ELP4: variants seen among roughly 807,000 people sequenced by gnomAD.
ELP4 encodes the protein elongator complex protein 4.
ELP4 carries 51 observed loss-of-function variants against 48.9 expected under a neutral mutation model. The ratio of observed to expected loss-of-function variants is 1.04; its 90% CI spans 0.83 to 1.32. The LOEUF (loss-of-function observed/expected upper bound fraction) is 1.32. ELP4 is among the 40% of genes most tolerant of loss of function. The pLI is 0.00. For synonymous variants in ELP4, 210 were observed against 189.2 expected (o/e 1.11, Z -0.90); for missense variants, 519 against 514.6 (o/e 1.01, Z -0.08).
intron 3 of ELP4, among the ~76,000 whole-genome samples, chr11:31,592,174 T>G (rs1957590995): frequency 6.6e-6 from 1 of 152,202 alleles, no homozygotes; most frequent in Admixed American, 6.5e-5. Context: ...GTTACACAAC[T>G]CTGAATTATT....
chr11:31,701,853 A>G (rs557634823), intron 9 of ELP4, among the ~76,000 whole-genome samples: 1 of 152,036 alleles, frequency 6.6e-6, no homozygotes, highest in African/African-American at 2.4e-5. Context: ...ATGGGTAAAC[A>G]AAAACATTTT....
Position 31,729,046 on chromosome 11 carries a change from G to T in ELP4, c.1144-54347G>T, listed in dbSNP as rs190176908. ...ATTAGCTAGAGGAGAAAATTCTAAG[G>T]TATTCCTGGCTCTCTTTCTCTTCCA... On this transcript the variant is annotated intron_variant, in intron 9 of 9. Transcript: ENST00000640961. 1.9e-3 allele frequency among the ~76,000 whole-genome samples: 296 copies of T among 152,200 alleles called. 1 individual carries two copies. Among genetic ancestry groups the T allele is most frequent in the African/African-American group, 6.8e-3 (281 of 41,522 alleles).
chr11:31,549,102 A>C (rs1396797165), intron 3 of ELP4, among the ~76,000 whole-genome samples: 2 of 152,030 alleles, frequency 1.3e-5, no homozygotes, highest in Non-Finnish European at 1.5e-5. Context: ...TAAAACACCA[A>C]AAGCAATGGC....
chr11:31,622,299 G>A (rs1467617874), intron 5 of ELP4, among the ~76,000 whole-genome samples: 1 of 151,640 alleles, frequency 6.6e-6, no homozygotes, highest in African/African-American at 2.4e-5. Flanking sequence ...GGTGGTGGCA[G>A]TGTTGTATAT....
chr11:31,633,380 G>A (rs1944906349), intron 7 of ELP4: 1 of 152,050 alleles, frequency 6.6e-6, no homozygotes, highest in Non-Finnish European at 1.5e-5. Context: ...CCTGAGGCAA[G>A]AAGTTCAGCC....
chr11:31,548,537 T>C (rs1295099168), intron 3 of ELP4, among the ~76,000 whole-genome samples: 3 of 152,080 alleles, frequency 2.0e-5, no homozygotes, highest in Non-Finnish European at 4.4e-5. Context: ...GAAGAATCAA[T>C]ATCGTGAAAA....
At chr11:31,695,796 C>CT (rs369026422) in intron 9 of ELP4, among the ~76,000 whole-genome samples, 95,807 of 105,392 alleles carry the variant, frequency 0.91, 44,724 homozygotes, top group Non-Finnish European at 1. Context: ...CCATCTGATC[C>CT]TGAGCTTTTT....
At chr11:31,536,662 T>C (rs941650662) in intron 2 of ELP4, among the ~76,000 whole-genome samples, 8 of 152,172 alleles carry the variant, frequency 5.3e-5, no homozygotes, top group African/African-American at 1.9e-4. Context: ...TGCCAAACTG[T>C]TTTCTAATGT....
At chr11:31,525,360 C>A (rs893856948) in intron 2 of ELP4, among the ~76,000 whole-genome samples, 2 of 152,158 alleles carry the variant, frequency 1.3e-5, no homozygotes, top group Admixed American at 6.5e-5. Context: ...TAAGCTCTTA[C>A]AATGTGTTCA....
At chr11:31,544,276 A>G (rs1015572283) in intron 3 of ELP4, among the ~76,000 whole-genome samples, 4 of 152,236 alleles carry the variant, frequency 2.6e-5, no homozygotes, top group African/African-American at 9.6e-5. Flanking sequence ...CGGCACCTGG[A>G]AAATCGGGTC....
chr11:31,565,495 T>C (rs1957095802), intron 3 of ELP4, among the ~76,000 whole-genome samples: 1 of 148,330 alleles, frequency 6.7e-6, no homozygotes, highest in Non-Finnish European at 1.5e-5. Context: ...TCTAGGGTTT[T>C]TATGGTTTTC....
chr11:31,584,011 A>G (rs1483020681), intron 3 of ELP4, among the ~76,000 whole-genome samples: 1 of 152,184 alleles, frequency 6.6e-6, no homozygotes, highest in East Asian at 1.9e-4. Flanking sequence ...CAATGGTTTC[A>G]TAAATAATGC....
At chr11:31,564,202 A>G (rs1957067521) in intron 3 of ELP4, among the ~76,000 whole-genome samples, 1 of 152,154 alleles carries the variant, frequency 6.6e-6, no homozygotes, top group Admixed American at 6.5e-5. Context: ...ATTTCTGGGT[A>G]TTAGATAACA....
intron 4 of ELP4, 41 bp downstream of exon 4, chr11:31,594,942 A>G: frequency 6.6e-7 from 1 of 1,517,656 alleles, no homozygotes; most frequent in Non-Finnish European, 8.8e-7. Context: ...TTGCAAATGC[A>G]TTTGTTTTCA....
At chr11:31,742,977 C>T (rs1252765018) in intron 9 of ELP4, among the ~76,000 whole-genome samples, 1 of 152,096 alleles carries the variant, frequency 6.6e-6, no homozygotes, top group East Asian at 1.9e-4. Flanking sequence ...AGAGTCAAGA[C>T]CCATCAGTGT....
chr11:31,661,496 G>A (rs910220170), intron 9 of ELP4, among the ~76,000 whole-genome samples: 4 of 152,000 alleles, frequency 2.6e-5, no homozygotes, highest in Non-Finnish European at 4.4e-5. Context: ...CAAACTTTGG[G>A]AAAATATCAT....
chr11:31,638,779 TA>T (rs1945030918), intron 7 of ELP4, among the ~76,000 whole-genome samples: 1 of 151,890 alleles, frequency 6.6e-6, no homozygotes, highest in Non-Finnish European at 1.5e-5. Context: ...TTTTAGCAGC[TA>T]AACTCTAAGT....
chr11:31,512,793 C>G (rs1359312810), intron 1 of ELP4, among the ~76,000 whole-genome samples: 3 of 144,464 alleles, frequency 2.1e-5, no homozygotes, highest in Admixed American at 7.0e-5. Flanking sequence ...TGCCCTCCGC[C>G]CCCCCTCCCC....
chr11:31,541,783 A>G (rs909239372), intron 3 of ELP4, among the ~76,000 whole-genome samples: 1 of 152,232 alleles, frequency 6.6e-6, no homozygotes, highest in African/African-American at 2.4e-5. Flanking sequence ...TGTACTTTAC[A>G]TATCCTTCTT....
Sources: allele counts gnomAD v4.1 joint callset (sites outside exome capture counted in the v4.1 genomes callset), GRCh38; gene constraint gnomAD v4.1.1; transcripts MANE v1.5; gene names NCBI Gene and HGNC (gene_info 2026-07-23, HGNC 2026-07-21).